PTPDC1: variants seen among roughly 807,000 people sequenced by gnomAD.
PTPDC1 encodes protein tyrosine phosphatase domain-containing protein 1.
PTPDC1 carries 53 observed loss-of-function variants against 75.3 expected under a neutral mutation model. The ratio of observed to expected loss-of-function variants is 0.70; its 90% CI spans 0.56 to 0.88. The LOEUF is 0.88. Among genes scored for constraint, PTPDC1 ranks in the 40% least tolerant of loss-of-function variants. PTPDC1 has a pLI of 0.00. For missense variants in PTPDC1, 925 were observed against 998.6 expected (o/e 0.93, Z 0.99); for synonymous variants, 349 against 366.2 (o/e 0.95, Z 0.54).
intron 1 of PTPDC1, chr9:94,038,129 C>T: frequency 5.1e-6 from 3 of 585,948 alleles, no homozygotes; most frequent in Non-Finnish European, 9.6e-6. Context: ...GCATAATCTC[C>T]ATGGTCTCTT....
intron 1 of PTPDC1, among the ~76,000 whole-genome samples, chr9:94,036,908 A>G (rs778772621): frequency 1.3e-4 from 20 of 152,210 alleles, no homozygotes; most frequent in Non-Finnish European, 2.6e-4. Flanking sequence ...ATTTGTAGCA[A>G]TCTACCCTTC....
intron 7 of PTPDC1, 55 bp from the exon 8 acceptor site, chr9:94,104,220 A>T: frequency 8.2e-7 from 1 of 1,218,714 alleles, no homozygotes; most frequent in Non-Finnish European, 1.2e-6. Flanking sequence ...TTTTGAATTG[A>T]TTTATTGAGG....
chr9:94,085,125 C>A, intron 1 of PTPDC1, 126 bp from the exon 2 acceptor site: 2 of 794,620 alleles, frequency 2.5e-6, no homozygotes, highest in Non-Finnish European at 2.0e-6. Flanking sequence ...GTTTTCTTGA[C>A]AAGATGAAGG....
chr9:94,050,918 G>A (rs950253573), intron 1 of PTPDC1, among the ~76,000 whole-genome samples: 3 of 151,960 alleles, frequency 2.0e-5, no homozygotes, highest in African/African-American at 7.3e-5. Context: ...AATGGCGGGC[G>A]CCCCTCCCCT....
At chr9:94,061,821 C>T (rs532904134) in intron 1 of PTPDC1, among the ~76,000 whole-genome samples, 6 of 152,330 alleles carry the variant, frequency 3.9e-5, no homozygotes, top group Middle Eastern at 3.4e-3. Context: ...GGCCTCTGAG[C>T]CTGTGTTGGG....
chr9:94,074,079 A>C (rs1204799067), intron 2 of PTPDC1, among the ~76,000 whole-genome samples: 2 of 152,160 alleles, frequency 1.3e-5, no homozygotes, highest in Non-Finnish European at 2.9e-5. Flanking sequence ...TTATGATTCA[A>C]GTTGTGATTT....
At position 94,062,495 on chromosome 9, in the gene PTPDC1, A is replaced by G. The variant is rs544093993; in HGVS notation, c.-6-2239A>G. Among the ~76,000 whole-genome samples the G allele has an allele frequency of 7.2e-5, 11 of 152,334 alleles. No individual in the cohort carries two copies. The South Asian group carries it at 2.3e-3, about 32-fold the overall frequency. On this transcript the variant is annotated intron_variant, in intron 1 of 9. Transcript: ENST00000375360. The stretch of plus-strand genomic sequence containing the variant: ...TCGCATTGCTATAAAGAAATACATG[A>G]AACTGGGTAATTTCTAAAGAAAAGA...
In PTPDC1 at chr9:94,055,284, C is replaced by A. The variant is rs554353723; in HGVS notation, c.-6-9450C>A. ...TTGTCTTAGTTTCCTCATCTATAAACAGGAATAATATACAGAACTGAATAC... is the reference window on the plus strand; with the variant it reads ...TTGTCTTAGTTTCCTCATCTATAAAAAGGAATAATATACAGAACTGAATAC... On this transcript the variant is annotated intron_variant, in intron 1 of 9. Coordinates refer to the PTPDC1 transcript ENST00000375360. Among the ~76,000 whole-genome samples, 66 of 152,216 alleles carry A rather than the reference C, an allele frequency of 4.3e-4. 1 individual carries two copies. The South Asian group carries it at 5.8e-3, about 13-fold the overall frequency.
intron 3 of PTPDC1, 53 bp from the exon 4 acceptor site, chr9:94,088,092 A>G (rs200790224): frequency 2.7e-4 from 422 of 1,582,052 alleles, no homozygotes; most frequent in Non-Finnish European, 3.1e-4. Flanking sequence ...AAAATGGTTA[A>G]TTTTTTTTAA....
At chr9:94,044,497 T>C (rs1221135915) in intron 1 of PTPDC1, among the ~76,000 whole-genome samples, 1 of 152,142 alleles carries the variant, frequency 6.6e-6, no homozygotes, top group Non-Finnish European at 1.5e-5. Context: ...TTCCCCTCTG[T>C]GTGTCCATGT....
chr9:94,030,877 A>T (rs1333508134), exon 1 of PTPDC1: 1 of 152,104 alleles, frequency 6.6e-6, no homozygotes, highest in East Asian at 1.9e-4. Context: ...CGCTCGCCCC[A>T]GGACGTTGTC....
intron 2 of PTPDC1, among the ~76,000 whole-genome samples, chr9:94,070,732 C>T (rs1826485133): frequency 1.3e-5 from 2 of 152,150 alleles, no homozygotes; most frequent in Non-Finnish European, 1.5e-5. Context: ...ATTTTGTCAT[C>T]GCAAAAATGT....
intron 4 of PTPDC1, among the ~76,000 whole-genome samples, chr9:94,089,341 T>G (rs574726721): frequency 6.6e-6 from 1 of 150,854 alleles, no homozygotes; most frequent in South Asian, 2.1e-4. Context: ...TTGCTTTTTG[T>G]TCTTGCGATA....
intron 2 of PTPDC1, among the ~76,000 whole-genome samples, chr9:94,065,257 C>T (rs1826266173): frequency 1.3e-5 from 2 of 152,236 alleles, no homozygotes; most frequent in Non-Finnish European, 2.9e-5. Flanking sequence ...AGTGTCGTGA[C>T]TTGAACTCTT....
intron 1 of PTPDC1, among the ~76,000 whole-genome samples, chr9:94,055,988 G>T (rs1825920867): frequency 6.6e-6 from 1 of 152,068 alleles, no homozygotes; most frequent in South Asian, 2.1e-4. Flanking sequence ...TTATGTGTCA[G>T]CGTAAGTTGA....
At chr9:94,080,776 G>C (rs1826850137), upstream of PTPDC1, among the ~76,000 whole-genome samples, 1 of 152,186 alleles carries the variant, frequency 6.6e-6, no homozygotes, top group African/African-American at 2.4e-5. Context: ...TCGTTTTACT[G>C]TAAGGAACAT....
rs1827947266 is a variant in PTPDC1 at position 94,104,398 on chromosome 9, C to T, written c.2310+13C>T. 1.3e-6 allele frequency: 2 copies of T among 1,534,704 alleles called. No individual in the cohort carries two copies. Among genetic ancestry groups the T allele is most frequent in the Non-Finnish European group, 1.8e-6 (2 of 1,108,866 alleles). ...GGCATTCACTAAGGTGGGTCATACT[C>T]TTCCTTTCCCCTCTCTGAACCACAG... is the stretch of plus-strand genomic sequence containing the variant. On this transcript the variant is annotated intron_variant, in intron 8 of 8. Transcript: ENST00000620992.
Position 94,050,342 on chromosome 9 carries a change from G to A in PTPDC1, c.-6-14392G>A, listed in dbSNP as rs529676154. 3.6e-4 allele frequency among the ~76,000 whole-genome samples: 55 copies of A among 152,234 alleles called. 1 individual carries two copies. Among genetic ancestry groups the A allele is most frequent in the African/African-American group, 1.3e-3 (52 of 41,532 alleles). ...GCTCTGTTTTTTCCCCATCTTTGTG[G>A]TTTTATCTACCTTTGGTCTTTGATG... is the stretch of plus-strand genomic sequence containing the variant. On this transcript the variant is annotated intron_variant, in intron 1 of 9. Coordinates refer to the PTPDC1 transcript ENST00000375360.
intron 1 of PTPDC1, among the ~76,000 whole-genome samples, chr9:94,047,934 C>T (rs772036246): frequency 6.6e-6 from 1 of 152,134 alleles, no homozygotes; most frequent in African/African-American, 2.4e-5. Flanking sequence ...CAATAGCTTA[C>T]CAACCAAAAA....
Sources: gnomAD v4.1 joint callset for allele counts (sites outside exome capture counted in the v4.1 genomes callset) on GRCh38, gnomAD v4.1.1 for gene constraint, MANE v1.5 for transcripts, NCBI Gene and HGNC (gene_info 2026-07-23, HGNC 2026-07-21) for gene names.